DLGAP2: variants seen among roughly 807,000 people sequenced by gnomAD.
DLGAP2 encodes DLG associated protein 2.
A neutral mutation model predicts 100.3 loss-of-function variants in DLGAP2; 26 were observed. The observed-to-expected ratio is 0.26, with a 90% CI of 0.19 to 0.36. The LOEUF (loss-of-function observed/expected upper bound fraction) is 0.36. Among genes scored for constraint, DLGAP2 ranks in the 10% least tolerant of loss-of-function variants. The pLI is 1.00. For missense variants in DLGAP2, 1,858 were observed against 1,453.2 expected (o/e 1.28, Z -4.53); for synonymous variants, 886 against 630.1 (o/e 1.41, Z -6.08).
intron 2 of DLGAP2, among the ~76,000 whole-genome samples, chr8:1,182,243 C>G (rs897666080): frequency 6.6e-6 from 1 of 152,222 alleles, no homozygotes. Context: ...GGCTTGGGGG[C>G]GACTGCCATG....
At chr8:1,205,560 C>A (rs1226090983) in intron 2 of DLGAP2, among the ~76,000 whole-genome samples, 1 of 152,194 alleles carries the variant, frequency 6.6e-6, no homozygotes, top group Non-Finnish European at 1.5e-5. Flanking sequence ...TTAGGAAGCA[C>A]CCTGGGAGCT....
At chr8:752,666 T>G (rs1476844191) in intron 1 of DLGAP2, among the ~76,000 whole-genome samples, 1 of 152,036 alleles carries the variant, frequency 6.6e-6, no homozygotes, top group Non-Finnish European at 1.5e-5. Context: ...CTCCTGAAAT[T>G]TATAAACGGG....
In DLGAP2 at chr8:1,691,551, G is replaced by A; in HGVS notation, c.2721G>A (p.Arg907=). ...DLSEEILGKI[R]SAVGSAQLLM... ...TTTAAACAGTTCTCGGTAAAATCAG[G>A]AGTGCTGTTGGGAGTGCCCAGCTTC... The change falls in exon 13 of 15, where the codon AGG becomes AGA. Residue 907 remains arginine (R), a synonymous_variant. Transcript: ENST00000637795. 6.2e-7 allele frequency: 1 copy of A among 1,613,972 alleles called. No homozygotes were observed. The highest frequency in any genetic ancestry group is 8.5e-7 in the Non-Finnish European group (1 of 1,179,952).
intron 2 of DLGAP2, among the ~76,000 whole-genome samples, chr8:909,480 A>G (rs1333473331): frequency 1.3e-5 from 2 of 150,594 alleles, no homozygotes; most frequent in African/African-American, 4.9e-5. Flanking sequence ...TTTTTTTGAC[A>G]GTTTGTTCTG....
rs147961104 is a variant in DLGAP2 at position 1,365,767 on chromosome 8, G to A, written c.106+106884G>A. 1.4e-4 allele frequency among the ~76,000 whole-genome samples: 22 copies of A among 152,326 alleles called. No individual in the cohort carries two copies. In the East Asian group the frequency reaches 3.9e-3, roughly 27 times the overall value. ...GAGTTCTGAGGCCCACGCGGAGGGC[G>A]AGCCTGTGAGAAGGCACGTGGGGGA... On this transcript the variant is annotated intron_variant, in intron 3 of 14. Transcript: ENST00000637795.
chr8:1,365,705 G>C (rs951819054), intron 3 of DLGAP2, among the ~76,000 whole-genome samples: 10 of 152,294 alleles, frequency 6.6e-5, no homozygotes, highest in African/African-American at 2.4e-4. Context: ...AGATGGAGCC[G>C]CTGCAGCCAA....
intron 1 of DLGAP2, among the ~76,000 whole-genome samples, chr8:906,740 G>A (rs1395971864): frequency 1.3e-5 from 2 of 152,178 alleles, no homozygotes; most frequent in African/African-American, 2.4e-5. Context: ...TTTGTTCTCT[G>A]CCTCAGCCAC....
In DLGAP2 at chr8:1,549,131, C is replaced by T. The variant is rs773702133; in HGVS notation, c.678C>T (p.Pro226=). The change falls in exon 5 of 15, where the codon CCC becomes CCT. Residue 226 remains proline, a synonymous_variant. Coordinates refer to ENST00000637795, the MANE Select transcript of DLGAP2 (RefSeq NM_001346810.2). ...CCGCCGAGCAGCGCAGCGAGAGCCC[C>T]GGGCGGATCCGCCACCTGGTACACT... The part of the protein sequence containing the change: ...SAAAEQRSES[P]GRIRHLVHSV... 22 of 1,589,654 alleles carry T rather than the reference C, an allele frequency of 1.4e-5. 1 individual carries two copies. Among genetic ancestry groups the T allele is most frequent in the South Asian group, 1.2e-4 (11 of 88,382 alleles).
chr8:1,370,300 C>T (rs1802206450), intron 3 of DLGAP2, among the ~76,000 whole-genome samples: 1 of 152,142 alleles, frequency 6.6e-6, no homozygotes, highest in Non-Finnish European at 1.5e-5. Flanking sequence ...AGGTCGGCAG[C>T]AGTCACACGG....
At chr8:1,122,487 T>G (rs1167783223) in intron 2 of DLGAP2, among the ~76,000 whole-genome samples, 1 of 152,204 alleles carries the variant, frequency 6.6e-6, no homozygotes. Flanking sequence ...ACATTTTTGA[T>G]CCCACAATAG....
At chr8:1,110,491 G>A (rs1410448257) in intron 2 of DLGAP2, among the ~76,000 whole-genome samples, 1 of 151,162 alleles carries the variant, frequency 6.6e-6, no homozygotes, top group Non-Finnish European at 1.5e-5. Flanking sequence ...TGCTCGGTCT[G>A]TGATGTGTGC....
chr8:1,507,610 C>A (rs760549713), intron 4 of DLGAP2, among the ~76,000 whole-genome samples: 7 of 152,198 alleles, frequency 4.6e-5, no homozygotes, highest in Non-Finnish European at 1.0e-4. Context: ...GAGTGGGCGC[C>A]GAGGCGGAGG....
At chr8:1,372,594 G>C (rs572402869) in intron 3 of DLGAP2, among the ~76,000 whole-genome samples, 1 of 152,282 alleles carries the variant, frequency 6.6e-6, no homozygotes, top group Admixed American at 6.5e-5. Context: ...GGAGCTCTTT[G>C]TGAAAGAGGT....
intron 1 of DLGAP2, 146 bp downstream of exon 1, chr8:737,971 C>A: frequency 3.0e-6 from 1 of 334,906 alleles, no homozygotes; most frequent in South Asian, 1.4e-4. Context: ...TGCCGCCCGC[C>A]GGGGCCGGAG....
chr8:1,331,667 C>A (rs1004945704), intron 3 of DLGAP2, among the ~76,000 whole-genome samples: 1 of 152,168 alleles, frequency 6.6e-6, no homozygotes, highest in African/African-American at 2.4e-5. Context: ...ATACGACAAA[C>A]GTGGTAAAAA....
intron 2 of DLGAP2, among the ~76,000 whole-genome samples, chr8:945,821 C>T (rs1799304649): frequency 6.6e-6 from 1 of 152,004 alleles, no homozygotes; most frequent in Non-Finnish European, 1.5e-5. Flanking sequence ...CCTCGCTGTC[C>T]ATTTCCCCCT....
chr8:1,383,904 C>CAGG (rs139500430), intron 3 of DLGAP2, among the ~76,000 whole-genome samples: 1,565 of 152,246 alleles, frequency 0.01, 32 homozygotes, highest in African/African-American at 0.036. Flanking sequence ...TGGACTCTGA[C>CAGG]AGGAAGGTCA....
chr8:1,447,722 T>C (rs1006402145), intron 3 of DLGAP2, among the ~76,000 whole-genome samples: 15 of 152,308 alleles, frequency 9.8e-5, no homozygotes, highest in Middle Eastern at 3.4e-3. Context: ...GTCCTGGACT[T>C]TTTTTGGTTG....
intron 2 of DLGAP2, among the ~76,000 whole-genome samples, chr8:1,039,154 ATGCGTGGTCAGCTCGGTG>A (rs150735142): frequency 0.3 from 44,199 of 148,824 alleles, 7,010 homozygotes; most frequent in Middle Eastern, 0.37. Context: ...CCATGTGGAA[ATGCGTGGTCAGCTCGGTG>A]TGCGTGGTCA....
Sources: allele counts gnomAD v4.1 joint callset (sites outside exome capture counted in the v4.1 genomes callset), GRCh38; gene constraint gnomAD v4.1.1; transcripts MANE v1.5; gene names NCBI Gene and HGNC (gene_info 2026-07-23, HGNC 2026-07-21).